The following ANO6 variants were observed in gnomAD, a reference collection of about 807,000 sequenced individuals.
ANO6 encodes the protein anoctamin-6.
ANO6 carries 106 observed loss-of-function variants against 117.5 expected under a neutral mutation model. That is an observed-to-expected ratio of 0.90 (90% CI 0.77 to 1.06). ANO6 has a LOEUF of 1.06. Ranked by LOEUF, ANO6 falls within the 50% of genes least tolerant of loss-of-function variation. ANO6 has a pLI of 0.00. For missense variants in ANO6, 955 were observed against 1,121.1 expected, an observed-to-expected ratio of 0.85 and a Z score of 2.12; for synonymous variants, 367 against 385.1, an observed-to-expected ratio of 0.95 and a Z score of 0.55.
chr12:45,223,959 G>T (rs180823917), intron 1 of ANO6, among the ~76,000 whole-genome samples: 12 of 152,114 alleles, frequency 7.9e-5, no homozygotes, highest in East Asian at 5.8e-4. Flanking sequence ...GGCCCTAGTA[G>T]AATTTTCTTC....
intron 15 of ANO6, among the ~76,000 whole-genome samples, chr12:45,405,180 A>G (rs1361439934): frequency 1.3e-5 from 2 of 152,232 alleles, no homozygotes; most frequent in East Asian, 3.9e-4. Flanking sequence ...AAGTAAAAGT[A>G]GGTCATGCAT....
chr12:45,395,601 T>C (rs955848804), intron 12 of ANO6, among the ~76,000 whole-genome samples: 1 of 152,180 alleles, frequency 6.6e-6, no homozygotes, highest in Non-Finnish European at 1.5e-5. Context: ...AATAAAATAC[T>C]GGCAAACCGA....
intron 1 of ANO6, among the ~76,000 whole-genome samples, chr12:45,236,418 T>TC (rs936927901): frequency 2.6e-5 from 4 of 152,098 alleles, no homozygotes; most frequent in African/African-American, 9.7e-5. Flanking sequence ...TGTGTGCTGT[T>TC]CCCCACCCTG....
chr12:45,397,084 C>G (rs1186466425), intron 12 of ANO6, among the ~76,000 whole-genome samples: 1 of 152,152 alleles, frequency 6.6e-6, no homozygotes, highest in African/African-American at 2.4e-5. Flanking sequence ...AAAATTTTTG[C>G]AATCTACCCA....
At chr12:45,394,010 G>A (rs537651341) in intron 12 of ANO6, among the ~76,000 whole-genome samples, 7 of 152,120 alleles carry the variant, frequency 4.6e-5, no homozygotes, top group Non-Finnish European at 8.8e-5. Context: ...AAACTTAAAC[G>A]TAAATGGGCT....
intron 1 of ANO6, among the ~76,000 whole-genome samples, chr12:45,252,782 T>C (rs142554439): frequency 1.6e-4 from 25 of 152,350 alleles, no homozygotes; most frequent in African/African-American, 5.8e-4. Flanking sequence ...TTTCATTTCT[T>C]TACGTTTTGT....
downstream of ANO6, among the ~76,000 whole-genome samples, chr12:45,433,857 G>A (rs1423006372): frequency 1.3e-5 from 2 of 152,198 alleles, no homozygotes; most frequent in Non-Finnish European, 2.9e-5. Context: ...ATAACCTGCT[G>A]TGGCTGTGAC....
At chr12:45,275,129 A>G (rs1181422680) in intron 1 of ANO6, among the ~76,000 whole-genome samples, 1 of 152,082 alleles carries the variant, frequency 6.6e-6, no homozygotes, top group Non-Finnish European at 1.5e-5. Context: ...TGTTAAAAAT[A>G]CTAAAGAATC....
intron 1 of ANO6, among the ~76,000 whole-genome samples, chr12:45,244,737 T>C (rs1017415150): frequency 1.3e-5 from 2 of 152,132 alleles, no homozygotes; most frequent in Non-Finnish European, 2.9e-5. Context: ...ATACTGAGGT[T>C]TCGTAAGGTT....
At chr12:45,432,753 G>A (rs550794038), downstream of ANO6, among the ~76,000 whole-genome samples, 4 of 152,204 alleles carry the variant, frequency 2.6e-5, no homozygotes, top group South Asian at 2.1e-4. Flanking sequence ...CCGAGAGGAC[G>A]TAACTGGCAA....
chr12:45,430,616 T>C lies in ANO6; in HGVS notation c.*1305T>C. 1.0e-6 allele frequency: 1 copy of C among 985,398 alleles called. No homozygotes were observed. Among genetic ancestry groups the C allele is most frequent in the African/African-American group, 1.7e-5 (1 of 57,340 alleles). The allele number at this position is 985,398 out of a possible 1,614,324, so 61.0% of individuals were successfully genotyped here. A position where few individuals can be genotyped will look rare whatever the true frequency, so the allele number is the denominator to read the frequency against. On this transcript the variant is annotated 3_prime_UTR_variant, in exon 20 of 20. Coordinates refer to ENST00000320560, the MANE Select transcript of ANO6 (RefSeq NM_001025356.3). ...GATTAGATTTGATTTTTTAGCCTCC[T>C]CTAGAGCCAATCAGGCAGTTAAGAG...
chr12:45,388,094 C>G, intron 10 of ANO6, 67 bp from the exon 11 acceptor site: 1 of 1,579,816 alleles, frequency 6.3e-7, no homozygotes, highest in Non-Finnish European at 8.7e-7. Context: ...TAATATTATT[C>G]AGTACAGATT....
intron 19 of ANO6, 143 bp downstream of exon 19, chr12:45,423,205 T>C: frequency 1.4e-6 from 1 of 717,012 alleles, no homozygotes; most frequent in Non-Finnish European, 2.5e-6. Context: ...TAATCAGTAT[T>C]GACCTGAAAA....
chr12:45,400,721 G>C (rs545256000), intron 12 of ANO6, among the ~76,000 whole-genome samples: 1 of 152,148 alleles, frequency 6.6e-6, no homozygotes, highest in Non-Finnish European at 1.5e-5. Flanking sequence ...TCTAGCCCCA[G>C]GACCATCCTG....
At position 45,430,010 on chromosome 12, in the gene ANO6, T is replaced by G. The variant is rs183723159; in HGVS notation, c.*699T>G. 2.1e-3 allele frequency: 2,077 copies of G among 985,674 alleles called. 1 individual carries two copies. Among genetic ancestry groups the G allele is most frequent in the Non-Finnish European group, 2.4e-3 (1,976 of 830,108 alleles). 61.1% of individuals were successfully genotyped at this position (985,674 alleles called of 1,614,324 possible). On this transcript the variant is annotated 3_prime_UTR_variant, in exon 20 of 20. Transcript: ENST00000320560. ...ACTTTTTATCTTCCAGGAGCACTCC[T>G]AGGAGGTTCCGTGCCTAATCAATGT...
intron 8 of ANO6, among the ~76,000 whole-genome samples, chr12:45,367,022 C>T (rs1156337611): frequency 6.6e-6 from 1 of 152,140 alleles, no homozygotes; most frequent in African/African-American, 2.4e-5. Flanking sequence ...CACTCTGTCA[C>T]CCAGGCTGGA....
At chr12:45,223,456 G>C (rs890904828) in intron 1 of ANO6, among the ~76,000 whole-genome samples, 4 of 152,088 alleles carry the variant, frequency 2.6e-5, no homozygotes, top group Admixed American at 2.6e-4. Flanking sequence ...TTGAATAAGA[G>C]AATAGAAAAA....
intron 15 of ANO6, among the ~76,000 whole-genome samples, chr12:45,408,039 T>C (rs1942986912): frequency 3.3e-5 from 5 of 152,068 alleles, no homozygotes; most frequent in Admixed American, 3.3e-4. Flanking sequence ...TAGCAGTCAG[T>C]GAAAAGTGAG....
chr12:45,370,469 A>C lies in ANO6; in HGVS notation c.1104+2676A>C, dbSNP rs561951782. Among the ~76,000 whole-genome samples the C allele has an allele frequency of 3.9e-5, 6 of 152,350 alleles. No homozygotes were observed. In the East Asian group the frequency reaches 1.2e-3, roughly 29 times the overall value. On this transcript the variant is annotated intron_variant, in intron 9 of 19. Transcript: ENST00000320560. Reference sequence around the variant, plus strand: ...TCCATTGACATTTTCTCAAAAGAGTAGAGCTAAGAATTCACAGGTGGGGTC... The same window carrying C: ...TCCATTGACATTTTCTCAAAAGAGTCGAGCTAAGAATTCACAGGTGGGGTC...
Sources: gnomAD v4.1 joint callset for allele counts (sites outside exome capture counted in the v4.1 genomes callset) on GRCh38, gnomAD v4.1.1 for gene constraint, MANE v1.5 for transcripts, NCBI Gene and HGNC (gene_info 2026-07-23, HGNC 2026-07-21) for gene names.